The following HMGA1 variants were observed in gnomAD, a reference collection of about 807,000 sequenced individuals.
HMGA1 encodes high mobility group AT-hook 1.
In HMGA1, 1 loss-of-function variant was observed where a neutral mutation model predicts 15.1. The observed-to-expected ratio is 0.07, with a 90% confidence interval of 0.02 to 0.31. HMGA1 has a LOEUF of 0.31. Ranked by LOEUF, HMGA1 falls within the 10% of genes least tolerant of loss-of-function variation. HMGA1 has a pLI of 1.00. For synonymous variants in HMGA1, 56 were observed against 54.8 expected (o/e 1.02, Z -0.10); for missense variants, 94 against 141.4 (o/e 0.66, Z 1.70).
At chr6:34,243,783 T>A (rs1408389304) in intron 5 of HMGA1, among the ~76,000 whole-genome samples, 1 of 152,068 alleles carries the variant, frequency 6.6e-6, no homozygotes, top group Non-Finnish European at 1.5e-5. Context: ...CCTCTCCTGC[T>A]CCTAGAATAC....
At chr6:34,242,437 T>A (rs1762382467) in intron 3 of HMGA1, among the ~76,000 whole-genome samples, 1 of 152,192 alleles carries the variant, frequency 6.6e-6, no homozygotes, top group Non-Finnish European at 1.5e-5. Flanking sequence ...CACCTAACTG[T>A]CTTTCTGTCC....
At position 34,245,117 on chromosome 6, in the gene HMGA1, G is replaced by A; in HGVS notation, c.*233G>A. 6.6e-7 allele frequency: 1 copy of A among 1,504,290 alleles called. No individual in the cohort carries two copies. Among genetic ancestry groups the A allele is most frequent in the Non-Finnish European group, 8.9e-7 (1 of 1,125,944 alleles). The allele number at this position is 1,504,290 out of a possible 1,614,324, so 93.2% of individuals were successfully genotyped here. On this transcript the variant is annotated 3_prime_UTR_variant, in exon 6 of 6. Coordinates refer to ENST00000311487, the MANE Select transcript of HMGA1 (RefSeq NM_145899.3). ...AGTTTTCCCCTGGCCTCAGTTCCCA[G>A]CTCCCCCCGCCCACCCACGCATACA...
rs767493668 is a variant in HMGA1, at chr6:34,245,182, G to A, written c.*298G>A. 1.0e-5 allele frequency: 15 copies of A among 1,430,102 alleles called. No homozygotes were observed. Among genetic ancestry groups the A allele is most frequent in the Middle Eastern group, 1.8e-4 (1 of 5,504 alleles). 88.6% of individuals were successfully genotyped at this position (1,430,102 alleles called of 1,614,324 possible). On this transcript the variant is annotated 3_prime_UTR_variant, in exon 6 of 6. Transcript: ENST00000311487. Reference sequence around the variant, plus strand: ...GACAAGGCTAACATCCCACTTAGCCGCACCCTGCACCTGCTGCGTCCCCAC... The same window carrying A: ...GACAAGGCTAACATCCCACTTAGCCACACCCTGCACCTGCTGCGTCCCCAC...
At chr6:34,242,862 G>A (rs1469114323) in intron 4 of HMGA1, 67 bp downstream of exon 4, 2 of 1,231,198 alleles carry the variant, frequency 1.6e-6, no homozygotes, top group East Asian at 2.5e-5. Context: ...TGGCACCATG[G>A]CCACGGCTGT....
Position 34,245,430 on chromosome 6 carries a change from C to T in HMGA1, c.*546C>T, listed in dbSNP as rs1470543404. ...GTGCTGGCCCCCAGGATTCCCCCAG[C>T]CAAACTGTCTTTGTCACCACGTGGG... On this transcript the variant is annotated 3_prime_UTR_variant, in exon 6 of 6. Coordinates refer to ENST00000311487, the MANE Select transcript of HMGA1 (RefSeq NM_145899.3). 1.5e-6 allele frequency: 2 copies of T among 1,366,602 alleles called. No individual in the cohort carries two copies. The highest frequency in any genetic ancestry group is 1.9e-6 in the Non-Finnish European group (2 of 1,034,952). 84.7% of individuals were successfully genotyped at this position (1,366,602 alleles called of 1,614,324 possible). A position where few individuals can be genotyped will look rare whatever the true frequency, so the allele number is the denominator to read the frequency against.
rs1242186183 is a variant in HMGA1 at position 34,245,646 on chromosome 6, G to A, written c.*762G>A. On this transcript the variant is annotated 3_prime_UTR_variant, in exon 6 of 6. Coordinates refer to ENST00000311487, the MANE Select transcript of HMGA1 (RefSeq NM_145899.3). ...ATGCAGTCACTTATTGTCCAGGTGA[G>A]GCCCAAGAGCCCTGTGGCCGCCACC... The A allele has an allele frequency of 2.9e-6, 4 of 1,366,614 alleles. No homozygotes were observed. The Admixed American group carries it at 6.6e-5, about 23-fold the overall frequency. 84.7% of individuals were successfully genotyped at this position (1,366,614 alleles called of 1,614,324 possible). A position where few individuals can be genotyped will look rare whatever the true frequency, so the allele number is the denominator to read the frequency against.
At chr6:34,243,915 A>G (rs1581809804) in intron 5 of HMGA1, among the ~76,000 whole-genome samples, 2 of 152,136 alleles carry the variant, frequency 1.3e-5, no homozygotes, top group South Asian at 4.1e-4. Flanking sequence ...GAAGAGAAAC[A>G]GCGAAGGAGC....
chr6:34,244,700 C>T, intron 5 of HMGA1, 131 bp from the exon 6 acceptor site: 1 of 763,454 alleles, frequency 1.3e-6, no homozygotes, highest in South Asian at 1.5e-5. Context: ...TGCTGAGTCA[C>T]CCACACACTC....
At chr6:34,244,777 G>A in intron 5 of HMGA1, 54 bp from the exon 6 acceptor site, 1 of 1,465,454 alleles carries the variant, frequency 6.8e-7, no homozygotes, top group South Asian at 1.2e-5. Flanking sequence ...AGCCTCTGGG[G>A]GTGGAAGAGG....
Position 34,244,879 on chromosome 6 carries a change from C to A in HMGA1, c.319C>A (p.Gln107Lys). ...GISQESSEEE[Q>K] The stretch of plus-strand genomic sequence containing the variant: ...CTCGCAGGAGTCCTCGGAGGAGGAG[C>A]AGTGACCCATGCGTGCCGCCTGCTC... The change falls in exon 6 of 6, where the codon CAG (glutamine) becomes AAG (lysine). Residue 107 changes from glutamine to lysine, a missense_variant. By Grantham distance (53) the Gln-to-Lys change is moderately conservative (BLOSUM62 1). Transcript: ENST00000311487. 6.4e-7 allele frequency: 1 copy of A among 1,561,316 alleles called. No individual in the cohort carries two copies. Among genetic ancestry groups the A allele is most frequent in the Admixed American group, 1.9e-5 (1 of 52,116 alleles).
intron 3 of HMGA1, among the ~76,000 whole-genome samples, chr6:34,242,005 G>A (rs897315149): frequency 6.6e-6 from 1 of 152,164 alleles, no homozygotes; most frequent in Non-Finnish European, 1.5e-5. Flanking sequence ...AGGGGTGCAG[G>A]GTTACTGGAC....
intron 5 of HMGA1, among the ~76,000 whole-genome samples, 188 bp downstream of exon 5, chr6:34,243,706 G>A (rs1460742737): frequency 6.6e-6 from 1 of 152,092 alleles, no homozygotes; most frequent in East Asian, 1.9e-4. Context: ...GAAGTGAGGG[G>A]TCCCAGGTAT....
intron 2 of HMGA1, chr6:34,240,536 A>C (rs1300472420): frequency 3.8e-6 from 2 of 520,412 alleles, no homozygotes; most frequent in African/African-American, 3.9e-5. Flanking sequence ...GATAGATAAG[A>C]AGCTGATTAG....
chr6:34,243,945 G>C (rs983308962), intron 5 of HMGA1, among the ~76,000 whole-genome samples: 6 of 152,082 alleles, frequency 3.9e-5, no homozygotes, highest in African/African-American at 1.4e-4. Flanking sequence ...GGAGGGGTCG[G>C]TGCTGGAGTT....
chr6:34,244,289 C>G (rs1193747817), intron 5 of HMGA1, among the ~76,000 whole-genome samples: 1 of 152,096 alleles, frequency 6.6e-6, no homozygotes, highest in African/African-American at 2.4e-5. Flanking sequence ...TCCCGACATT[C>G]CCGCCCAGTG....
rs1019229393 is a variant in HMGA1 at position 34,242,697 on chromosome 6, C to G, written c.136-15C>G. On this transcript the variant is annotated splice_polypyrimidine_tract_variant and intron_variant, in intron 3 of 5. Coordinates refer to ENST00000311487, the MANE Select transcript of HMGA1 (RefSeq NM_145899.3). ...AGGTGATGACTGTCCCTGACTACCC[C>G]CTCTGTCTTTACAGAAGGAGCCCAG... The G allele has an allele frequency of 3.5e-5, 54 of 1,554,566 alleles. No homozygotes were observed. Among genetic ancestry groups the G allele is most frequent in the Middle Eastern group, 1.8e-4 (1 of 5,578 alleles).
intron 2 of HMGA1, among the ~76,000 whole-genome samples, chr6:34,237,819 A>C (rs1036020269): frequency 6.6e-6 from 1 of 150,804 alleles, no homozygotes; most frequent in Non-Finnish European, 1.5e-5. Context: ...ATGGGGAGGA[A>C]CCCCCAAATT....
chr6:34,242,286 G>C (rs1011520923), intron 3 of HMGA1, among the ~76,000 whole-genome samples: 1 of 152,062 alleles, frequency 6.6e-6, no homozygotes, highest in African/African-American at 2.4e-5. Context: ...ATGGCCCAGT[G>C]CTAGATAACC....
At chr6:34,237,814 G>A (rs1761928067) in intron 2 of HMGA1, among the ~76,000 whole-genome samples, 2 of 151,754 alleles carry the variant, frequency 1.3e-5, no homozygotes, top group South Asian at 4.1e-4. Context: ...GGGAGATGGG[G>A]AGGAACCCCC....
Sources: allele counts gnomAD v4.1 joint callset (sites outside exome capture counted in the v4.1 genomes callset), GRCh38; gene constraint gnomAD v4.1.1; transcripts MANE v1.5; gene names NCBI Gene and HGNC (gene_info 2026-07-23, HGNC 2026-07-21).